SUMF1: variants seen among roughly 807,000 people sequenced by gnomAD.
SUMF1 encodes the protein sulfatase modifying factor 1.
In SUMF1, 48 loss-of-function variants were observed where a neutral mutation model predicts 47.6. The observed-to-expected ratio is 1.01, with a 90% CI of 0.80 to 1.28. The LOEUF is 1.28. Among genes scored for constraint, SUMF1 ranks in the 50% most tolerant of loss-of-function variants. SUMF1 has a pLI of 0.00. For missense variants in SUMF1, 571 were observed against 485.4 expected (o/e 1.18, Z -1.66); for synonymous variants, 230 against 192.1 (o/e 1.20, Z -1.63).
intron 3 of SUMF1, among the ~76,000 whole-genome samples, chr3:4,441,098 C>G (rs952097793): frequency 1.3e-5 from 2 of 152,146 alleles, no homozygotes; most frequent in African/African-American, 4.8e-5. Flanking sequence ...AGGTGAGTGG[C>G]AGGCGAGCAA....
intron 8 of SUMF1, among the ~76,000 whole-genome samples, chr3:4,222,372 T>C (rs916986875): frequency 6.6e-6 from 1 of 152,062 alleles, no homozygotes; most frequent in Non-Finnish European, 1.5e-5. Context: ...AAGCACAAGA[T>C]ACGGTTCTCA....
chr3:4,232,232 A>T (rs1167095513), intron 8 of SUMF1, among the ~76,000 whole-genome samples: 1 of 152,148 alleles, frequency 6.6e-6, no homozygotes, highest in African/African-American at 2.4e-5. Context: ...GCTTAGAACC[A>T]TGCAGCAACC....
chr3:4,159,405 TAACA>T (rs1392358021), intron 8 of SUMF1, among the ~76,000 whole-genome samples: 1 of 148,478 alleles, frequency 6.7e-6, no homozygotes, highest in African/African-American at 2.6e-5. Context: ...ATAAACAAAC[TAACA>T]AACCAGCAAA....
At chr3:4,241,069 G>C (rs1220253717) in intron 8 of SUMF1, among the ~76,000 whole-genome samples, 1 of 152,020 alleles carries the variant, frequency 6.6e-6, no homozygotes, top group African/African-American at 2.4e-5. Context: ...AATTAGTAGT[G>C]GTTGGTTTAT....
chr3:4,205,750 C>G (rs1332139267), intron 8 of SUMF1, among the ~76,000 whole-genome samples: 1 of 152,110 alleles, frequency 6.6e-6, no homozygotes, highest in East Asian at 1.9e-4. Context: ...GGCAGAGTCT[C>G]TTGTTCTCTT....
downstream of SUMF1, among the ~76,000 whole-genome samples, chr3:4,360,320 C>CTT (rs11291635): frequency 3.0e-5 from 4 of 135,430 alleles, no homozygotes; most frequent in Admixed American, 7.5e-5. Flanking sequence ...AGCTACATGA[C>CTT]TTTTTTTTTT....
At chr3:4,302,759 C>G (rs190252374) in intron 8 of SUMF1, among the ~76,000 whole-genome samples, 1 of 152,064 alleles carries the variant, frequency 6.6e-6, no homozygotes, top group Admixed American at 6.5e-5. Context: ...AATGCTCCAC[C>G]GGATTCAGCA....
intron 8 of SUMF1, among the ~76,000 whole-genome samples, chr3:4,184,314 G>T (rs1695156180): frequency 6.6e-6 from 1 of 151,754 alleles, no homozygotes; most frequent in Non-Finnish European, 1.5e-5. Flanking sequence ...AAATTAGCCG[G>T]GCATGGTGTT....
At chr3:4,252,040 A>G (rs748592737) in intron 8 of SUMF1, among the ~76,000 whole-genome samples, 11 of 152,216 alleles carry the variant, frequency 7.2e-5, no homozygotes, top group Non-Finnish European at 1.5e-4. Flanking sequence ...CAAACCTGCA[A>G]TATCTGCAAG....
intron 8 of SUMF1, among the ~76,000 whole-genome samples, chr3:4,328,632 G>C (rs926589017): frequency 1.3e-5 from 2 of 152,108 alleles, no homozygotes; most frequent in African/African-American, 4.8e-5. Context: ...TTAACACATT[G>C]GGATTATTAT....
intron 3 of SUMF1, among the ~76,000 whole-genome samples, chr3:4,423,196 T>A (rs374768540): frequency 2.5e-4 from 38 of 151,840 alleles, no homozygotes; most frequent in African/African-American, 8.7e-4. Context: ...ACACACATGT[T>A]TATAGCAGCA....
intron 8 of SUMF1, among the ~76,000 whole-genome samples, chr3:4,284,067 AG>A (rs535768458): frequency 2.6e-5 from 4 of 152,100 alleles, no homozygotes; most frequent in Non-Finnish European, 5.9e-5. Context: ...TTCAGACCAT[AG>A]CAAGAACCCT....
chr3:4,170,488 G>C (rs185225099), intron 8 of SUMF1, among the ~76,000 whole-genome samples: 11 of 152,306 alleles, frequency 7.2e-5, no homozygotes, highest in Admixed American at 7.2e-4. Flanking sequence ...TGTAAGACAG[G>C]AGTGGGGAAT....
intron 7 of SUMF1, among the ~76,000 whole-genome samples, chr3:4,385,929 G>A (rs2124904214): frequency 6.6e-6 from 1 of 152,298 alleles, no homozygotes; most frequent in South Asian, 2.1e-4. Flanking sequence ...TCAAAAATCA[G>A]TTGGGCATCA....
intron 8 of SUMF1, among the ~76,000 whole-genome samples, chr3:4,094,200 T>C (rs968185563): frequency 6.6e-6 from 1 of 152,078 alleles, no homozygotes; most frequent in Non-Finnish European, 1.5e-5. Context: ...GAGATAACAG[T>C]TGAGAAGCCT....
At chr3:4,277,176 A>C (rs1315163495) in intron 8 of SUMF1, among the ~76,000 whole-genome samples, 1 of 152,132 alleles carries the variant, frequency 6.6e-6, no homozygotes, top group African/African-American at 2.4e-5. Flanking sequence ...TATCAAGTTC[A>C]TCAGGTATTC....
At chr3:4,147,358 A>G (rs970970969) in intron 8 of SUMF1, among the ~76,000 whole-genome samples, 1 of 152,178 alleles carries the variant, frequency 6.6e-6, no homozygotes, top group African/African-American at 2.4e-5. Context: ...ATAAAGACAC[A>G]TGCACACGTA....
intron 8 of SUMF1, among the ~76,000 whole-genome samples, chr3:4,192,844 G>C (rs193006175): frequency 6.6e-6 from 1 of 152,206 alleles, no homozygotes; most frequent in East Asian, 1.9e-4. Context: ...GGATGCCAAG[G>C]CTCAGGTAAG....
intron 7 of SUMF1, among the ~76,000 whole-genome samples, chr3:4,400,397 A>G (rs761737668): frequency 6.6e-5 from 10 of 152,250 alleles, no homozygotes; most frequent in Admixed American, 4.6e-4. Context: ...CATGGAAATG[A>G]TAAGAAACCA....
Sources: gnomAD v4.1 joint callset for allele counts (sites outside exome capture counted in the v4.1 genomes callset) on GRCh38, gnomAD v4.1.1 for gene constraint, MANE v1.5 for transcripts, NCBI Gene and HGNC (gene_info 2026-07-23, HGNC 2026-07-21) for gene names.